TENM1: variants seen among roughly 807,000 people sequenced by gnomAD.
TENM1 encodes teneurin transmembrane protein 1.
TENM1 carries 35 observed loss-of-function variants against 174.8 expected under a neutral mutation model. The ratio of observed to expected loss-of-function variants is 0.20; its 90% CI spans 0.15 to 0.27. The LOEUF (loss-of-function observed/expected upper bound fraction) is 0.27, where lower values mean the gene tolerates loss of function less well. TENM1 is among the 10% of genes least tolerant of loss of function. The probability of loss-of-function intolerance (pLI) is 1.00; values close to 1 mark genes in which losing one functional copy is unlikely to be tolerated. For missense variants in TENM1, 1,633 were observed against 2,130.1 expected, an observed-to-expected ratio of 0.77 and a Z score of 4.59; for synonymous variants, 781 against 798.7, an observed-to-expected ratio of 0.98 and a Z score of 0.37.
chrX:124,827,235 G>A (rs1255984840), intron 3 of TENM1, among the ~76,000 whole-genome samples: 1 of 111,288 alleles, frequency 9.0e-6, no homozygotes, highest in African/African-American at 3.3e-5. Flanking sequence ...ATTTTTAGTA[G>A]AGACGGGGTT....
intron 1 of TENM1, among the ~76,000 whole-genome samples, chrX:124,938,897 A>G (rs982894438): frequency 9.0e-6 from 1 of 111,662 alleles, no homozygotes; most frequent in Non-Finnish European, 1.9e-5. Flanking sequence ...AGTCTATTTG[A>G]ATGCCCATTC....
intron 11 of TENM1, among the ~76,000 whole-genome samples, chrX:124,637,984 T>C (rs2050919979): frequency 8.9e-6 from 1 of 112,334 alleles, no homozygotes. Flanking sequence ...TTAAAATCCA[T>C]AGGGATGCTG....
chrX:125,061,893 T>G, the TENM1 span, among the ~76,000 whole-genome samples: 13 of 112,143 alleles, frequency 1.2e-4, no homozygotes, highest in Non-Finnish European at 3.8e-5. Flanking sequence ...CCCCACAAGT[T>G]TGCCTATGAG....
intron 4 of TENM1, among the ~76,000 whole-genome samples, chrX:124,722,738 G>A (rs958339266): frequency 9.3e-6 from 1 of 107,075 alleles, no homozygotes; most frequent in Non-Finnish European, 1.9e-5. Context: ...TACTTGGGAG[G>A]CTGAGGTAGG....
exon 32 of TENM1, chrX:124,378,440 T>C (rs1341938109): frequency 3.6e-5 from 4 of 112,546 alleles, no homozygotes; most frequent in Admixed American, 1.9e-4. Context: ...TTAAGGTCCA[T>C]TTTTAGGTTG....
At chrX:124,414,128 T>C (rs1424581822) in intron 25 of TENM1, among the ~76,000 whole-genome samples, 1 of 111,504 alleles carries the variant, frequency 9.0e-6, no homozygotes, top group Non-Finnish European at 1.9e-5. Context: ...TTTGTTTTCT[T>C]GATGGGAGGA....
chrX:124,418,208 C>G (rs1047582960), intron 25 of TENM1, among the ~76,000 whole-genome samples: 1 of 112,349 alleles, frequency 8.9e-6, no homozygotes, highest in Non-Finnish European at 1.9e-5. Context: ...GTTCTGGTTA[C>G]TTAATTGATT....
At chrX:124,908,757 T>C (rs933983620) in intron 1 of TENM1, among the ~76,000 whole-genome samples, 2 of 111,758 alleles carry the variant, frequency 1.8e-5, no homozygotes, top group Non-Finnish European at 1.9e-5. Flanking sequence ...CCTTGGTAGC[T>C]TGACCTCCAT....
chrX:124,655,276 A>G (rs1460736011), intron 6 of TENM1, among the ~76,000 whole-genome samples: 2 of 111,878 alleles, frequency 1.8e-5, no homozygotes, highest in African/African-American at 6.5e-5. Flanking sequence ...AGTTTGGGCA[A>G]TCAGAGCTTT....
intron 28 of TENM1, 93 bp from the exon 32 acceptor site, chrX:124,386,157 AT>A: frequency 1.2e-6 from 1 of 866,864 alleles, no homozygotes; most frequent in Non-Finnish European, 1.6e-6. Context: ...ACACAAATCA[AT>A]CAAGCACTTA....
At chrX:125,102,363 G>C in the TENM1 span, among the ~76,000 whole-genome samples, 2 of 104,112 alleles carry the variant, frequency 1.9e-5, no homozygotes, top group African/African-American at 7.1e-5. Context: ...CTAGGTCAGA[G>C]TGAGGATTTG....
chrX:124,768,804 A>G (rs2054587164), intron 3 of TENM1, among the ~76,000 whole-genome samples: 1 of 112,647 alleles, frequency 8.9e-6, no homozygotes, highest in Non-Finnish European at 1.9e-5. Flanking sequence ...AGCAGGAAAC[A>G]TCTGGGTGAT....
At chrX:124,608,539 C>T (rs112223068) in intron 11 of TENM1, among the ~76,000 whole-genome samples, 6,269 of 111,476 alleles carry the variant, frequency 0.056, 346 homozygotes, top group African/African-American at 0.17. Flanking sequence ...AAGCGCGCTG[C>T]TGTCAGGAGC....
intron 11 of TENM1, among the ~76,000 whole-genome samples, chrX:124,640,582 T>C (rs2050988951): frequency 8.9e-6 from 1 of 112,207 alleles, no homozygotes; most frequent in African/African-American, 3.2e-5. Flanking sequence ...TTAGAACTTA[T>C]AATTCAGGCA....
the TENM1 span, among the ~76,000 whole-genome samples, chrX:124,998,737 G>A: frequency 9.0e-6 from 1 of 111,422 alleles, no homozygotes; most frequent in African/African-American, 3.3e-5. Flanking sequence ...AGACTTGGAT[G>A]TATACTTCAA....
chrX:124,641,688 C>A, intron 11 of TENM1, 103 bp downstream of exon 14: 2 of 770,476 alleles, frequency 2.6e-6, no homozygotes, highest in Non-Finnish European at 2.0e-6. Flanking sequence ...CCTCTTAGGA[C>A]TCACAAAGGT....
chrX:124,947,999 T>A (rs2058427584), intron 1 of TENM1, among the ~76,000 whole-genome samples: 1 of 112,118 alleles, frequency 8.9e-6, no homozygotes, highest in African/African-American at 3.2e-5. Context: ...TTCCATTTAT[T>A]CAAACTACAA....
the TENM1 span, among the ~76,000 whole-genome samples, chrX:125,023,039 T>C: frequency 9.0e-6 from 1 of 111,134 alleles, no homozygotes; most frequent in Non-Finnish European, 1.9e-5. Context: ...AGTACACCAT[T>C]TGGCTAAGTT....
chrX:125,014,643 G>T, the TENM1 span, among the ~76,000 whole-genome samples: 1 of 111,572 alleles, frequency 9.0e-6, no homozygotes, highest in African/African-American at 3.3e-5. Flanking sequence ...TGAAAAATTA[G>T]TAGCTTGATT....
Sources: gnomAD v4.1 joint callset for allele counts (sites outside exome capture counted in the v4.1 genomes callset) on GRCh38, gnomAD v4.1.1 for gene constraint, MANE v1.5 for transcripts, NCBI Gene and HGNC (gene_info 2026-07-23, HGNC 2026-07-21) for gene names.